Variants in COL3A1 observed in about 807,000 individuals in gnomAD.
The protein encoded by COL3A1 is collagen alpha-1(III) chain.
Under a neutral mutation model 200.9 loss-of-function variants are expected in COL3A1, and 46 were observed. The ratio of observed to expected loss-of-function variants is 0.23; its 90% CI spans 0.18 to 0.29. The LOEUF (loss-of-function observed/expected upper bound fraction) is 0.29. COL3A1 is among the 10% of genes least tolerant of loss of function. The probability of loss-of-function intolerance (pLI) is 1.00; values close to 1 mark genes in which losing one functional copy is unlikely to be tolerated. For synonymous variants in COL3A1, 650 were observed against 628.0 expected (o/e 1.03, Z -0.52); for missense variants, 1,367 against 1,917.6 (o/e 0.71, Z 5.36).
chr2:189,003,639 G>T, intron 37 of COL3A1, 95 bp from the exon 38 acceptor site: 1 of 1,435,592 alleles, frequency 7.0e-7, no homozygotes. Flanking sequence ...TGACTTTCAG[G>T]TACAATGCAG....
Position 188,994,947 on chromosome 2 carries a change from T to G in COL3A1, c.1456-99T>G. ...AGTTGAGTGTTCAGTGAAAATATTG[T>G]TTAAAGCATTCTATGACATAAAAAT... is the stretch of plus-strand genomic sequence containing the variant. On this transcript the variant is annotated intron_variant, in intron 20 of 50. Coordinates refer to ENST00000304636, the MANE Select transcript of COL3A1 (RefSeq NM_000090.4). The surrounding 1 kb of genome is among the most constrained non-coding windows in gnomAD (Gnocchi z 4.5). 1 of 1,551,820 alleles carries G rather than the reference T, an allele frequency of 6.4e-7. No individual in the cohort carries two copies. Among genetic ancestry groups the G allele is most frequent in the Non-Finnish European group, 8.9e-7 (1 of 1,123,834 alleles).
intron 44 of COL3A1, 41 bp downstream of exon 44, chr2:189,007,031 T>A: frequency 6.4e-7 from 1 of 1,559,038 alleles, no homozygotes; most frequent in Non-Finnish European, 8.8e-7. Flanking sequence ...GTTTTGTTCT[T>A]TTTTTAACTC....
At position 189,009,253 on chromosome 2, in the gene COL3A1, A is replaced by G. The variant is rs556241231; in HGVS notation, c.3823+32A>G. The G allele has an allele frequency of 3.7e-6, 6 of 1,612,974 alleles. No homozygotes were observed. In the East Asian group the frequency reaches 6.7e-5, roughly 18 times the overall value. On this transcript the variant is annotated intron_variant, in intron 48 of 50. Transcript: ENST00000304636. Reference sequence around the variant, plus strand: ...TTGGTAGTCTTTCATCTTCATGGCAATAGGATTACAGAGAAAGCTGCTTAG... The same window carrying G: ...TTGGTAGTCTTTCATCTTCATGGCAGTAGGATTACAGAGAAAGCTGCTTAG...
At chr2:188,989,908 A>C (rs1163488323) in intron 8 of COL3A1, among the ~76,000 whole-genome samples, 188 bp from the exon 9 acceptor site, 2 of 152,120 alleles carry the variant, frequency 1.3e-5, no homozygotes, top group Non-Finnish European at 2.9e-5. Flanking sequence ...TCTCTTTATA[A>C]GCTTATATCA....
chr2:188,993,770 A>G (rs1688237244), intron 16 of COL3A1, among the ~76,000 whole-genome samples: 1 of 152,228 alleles, frequency 6.6e-6, no homozygotes, highest in African/African-American at 2.4e-5. Context: ...ATCACCAATC[A>G]TAAAAATTCA....
At chr2:188,993,909 T>C in intron 16 of COL3A1, 129 bp from the exon 17 acceptor site, 1 of 828,536 alleles carries the variant, frequency 1.2e-6, no homozygotes, top group Non-Finnish European at 2.0e-6. Context: ...TGTGTTATAG[T>C]TGGAGGATTC....
At chr2:189,011,596 C>T in intron 50 of COL3A1, 32 bp from the exon 51 acceptor site, 1 of 1,613,488 alleles carries the variant, frequency 6.2e-7, no homozygotes, top group Non-Finnish European at 8.5e-7. Flanking sequence ...ATTGTAATGT[C>T]ATGATCATGT....
rs1688728310 is a variant in COL3A1 at position 189,011,628 on chromosome 2, A to G, written c.4255A>G (p.Lys1419Glu). The change falls in exon 51 of 51, where the codon AAA (lysine) becomes GAA (glutamate). Residue 1419 changes from lysine to glutamate, a missense_variant and splice_region_variant. This residue lies in a region of COL3A1 where 846 missense variants were observed against 1,147.9 expected (regional missense o/e 0.74). Transcript: ENST00000304636. Reference protein sequence around the residue: ...TYTVLEDGCTKHTGEWSKTVF... With the variant: ...TYTVLEDGCTEHTGEWSKTVF... ...ATGTACATTTTGTCCTTTTTTACAG[A>G]AACACACTGGGGAATGGAGCAAAAC... The G allele has an allele frequency of 3.1e-6, 5 of 1,613,996 alleles. No individual in the cohort carries two copies. The highest frequency in any genetic ancestry group is 3.4e-6 in the Non-Finnish European group (4 of 1,179,862).
At position 188,992,243 on chromosome 2, in the gene COL3A1, A is replaced by G; in HGVS notation, c.996+15A>G. The G allele has an allele frequency of 1.9e-6, 3 of 1,612,834 alleles. No individual in the cohort carries two copies. The highest frequency in any genetic ancestry group is 1.3e-5 in the African/African-American group (1 of 74,984). ...ATGGTCAACCAGTAAGTAACTTTCT[A>G]TCTCTTATGTGTTGTAGGGTAATGA... On this transcript the variant is annotated intron_variant, in intron 14 of 50. Coordinates refer to ENST00000304636, the MANE Select transcript of COL3A1 (RefSeq NM_000090.4).
In COL3A1 at chr2:189,003,445, G is replaced by T. The variant is rs755762264; in HGVS notation, c.2588G>T (p.Arg863Leu). 1 of 1,613,816 alleles carries T rather than the reference G, an allele frequency of 6.2e-7. No individual in the cohort carries two copies. Among genetic ancestry groups the T allele is most frequent in the Admixed American group, 1.7e-5 (1 of 60,012 alleles). ...GGTCCCCAAGGTGTCAAAGGTGAAC[G>T]TGGCAGTCCTGGTGGACCTGTAAGT... is the stretch of plus-strand genomic sequence containing the variant. The part of the protein sequence containing the change: ...PPGPQGVKGE[R>L]GSPGGPGAAG... Residue 863 changes from arginine to leucine, a missense_variant, in exon 37 of 51, where the codon CGT (arginine) becomes CTT (leucine). By Grantham distance (102) the Arg-to-Leu change is moderately radical (BLOSUM62 -2). Around this residue, in one of 5 missense-constraint regions of COL3A1, gnomAD observed 846 missense variants for 1,147.9 expected, o/e 0.74. Coordinates refer to ENST00000304636, the MANE Select transcript of COL3A1 (RefSeq NM_000090.4).
rs1216616049 is a variant in COL3A1 at position 189,003,539 on chromosome 2, C to T, written c.2607+75C>T. ...ACCTGTATAAAAGCTGCATTTGAGA[C>T]ACTAGTTCCATAAAGAGAATGTAAA... On this transcript the variant is annotated intron_variant, in intron 37 of 50. Transcript: ENST00000304636. The T allele has an allele frequency of 3.5e-6, 5 of 1,437,750 alleles. No homozygotes were observed. The African/African-American group carries it at 7.0e-5, about 20-fold the overall frequency. 89.1% of individuals were successfully genotyped at this position (1,437,750 alleles called of 1,614,324 possible). A position where few individuals can be genotyped will look rare whatever the true frequency, so the allele number is the denominator to read the frequency against.
intron 39 of COL3A1, 51 bp from the exon 40 acceptor site, chr2:189,004,206 A>G (rs754921822): frequency 6.9e-5 from 111 of 1,606,944 alleles, no homozygotes; most frequent in Non-Finnish European, 9.4e-5. Flanking sequence ...AATCGATTAG[A>G]GAAAAACACT....
chr2:189,008,111 C>A lies in COL3A1; in HGVS notation c.3494C>A (p.Pro1165His). The A allele has an allele frequency of 6.2e-7, 1 of 1,613,722 alleles. No individual in the cohort carries two copies. The highest frequency in any genetic ancestry group is 8.5e-7 in the Non-Finnish European group (1 of 1,179,824). Residue 1165 changes from proline to histidine, a missense_variant, in exon 47 of 51, where the codon CCT becomes CAT. This residue lies in a region of COL3A1 where 846 missense variants were observed against 1,147.9 expected (regional missense o/e 0.74). Transcript: ENST00000304636. ...CCAGGTCCCATTGGACCACCAGGGC[C>A]TCGAGGTAACAGAGGTGAAAGAGGA... ...GHPGPIGPPGPRGNRGERGSE... is the reference protein window; with the variant it reads ...GHPGPIGPPGHRGNRGERGSE...
At position 188,993,930 on chromosome 2, in the gene COL3A1, T is replaced by C. The variant is rs1688240690; in HGVS notation, c.1150-108T>C. On this transcript the variant is annotated intron_variant, in intron 16 of 50. Coordinates refer to ENST00000304636, the MANE Select transcript of COL3A1 (RefSeq NM_000090.4). ...ATAGTTGGAGGATTCACTTAATCTC[T>C]ACAAAGCATAACACTCATCGATACA... 10 of 1,046,852 alleles carry C rather than the reference T, an allele frequency of 9.6e-6. No homozygotes were observed. The East Asian group carries it at 2.3e-4, about 24-fold the overall frequency. The allele number at this position is 1,046,852 out of a possible 1,614,324, so 64.8% of individuals were successfully genotyped here. A position where few individuals can be genotyped will look rare whatever the true frequency, so the allele number is the denominator to read the frequency against.
intron 1 of COL3A1, among the ~76,000 whole-genome samples, chr2:188,982,738 A>G (rs1435660953): frequency 6.6e-6 from 1 of 151,832 alleles, no homozygotes; most frequent in African/African-American, 2.4e-5. Context: ...GGCTGAAACT[A>G]ATCTGTAGGA....
intron 47 of COL3A1, chr2:189,008,660 A>G: frequency 1.8e-6 from 1 of 545,312 alleles, no homozygotes; most frequent in Non-Finnish European, 3.3e-6. Flanking sequence ...TCAGTCATCC[A>G]GAAGGAAGAA....
In COL3A1 at chr2:189,001,382, T is replaced by A. The variant is rs992793284; in HGVS notation, c.2284-15T>A. 6 of 1,611,890 alleles carry A rather than the reference T, an allele frequency of 3.7e-6. No homozygotes were observed. The African/African-American group carries it at 8.0e-5, about 22-fold the overall frequency. On this transcript the variant is annotated splice_polypyrimidine_tract_variant and intron_variant, in intron 32 of 50. Transcript: ENST00000304636. Reference sequence around the variant, plus strand: ...TTGTATCTTCAAAATTAAAAAATATTTTTATTTCCTCTAGGGTCCTACTGG... The same window carrying A: ...TTGTATCTTCAAAATTAAAAAATATATTTATTTCCTCTAGGGTCCTACTGG...
intron 7 of COL3A1, among the ~76,000 whole-genome samples, 193 bp downstream of exon 7, chr2:188,988,836 A>G (rs1407873162): frequency 6.6e-6 from 1 of 151,996 alleles, no homozygotes; most frequent in African/African-American, 2.4e-5. Context: ...ACTAGTTAAT[A>G]AAGGAATTCC....
intron 1 of COL3A1, among the ~76,000 whole-genome samples, chr2:188,979,649 T>G (rs1465051149): frequency 6.6e-6 from 1 of 151,758 alleles, no homozygotes; most frequent in Non-Finnish European, 1.5e-5. Context: ...TGAGGCCAGA[T>G]AGAAAAATAT....
Sources: allele counts gnomAD v4.1 joint callset (sites outside exome capture counted in the v4.1 genomes callset), GRCh38; gene constraint gnomAD v4.1.1; regional missense constraint gnomAD v4.1.1; non-coding constraint Gnocchi (gnomAD v3.1); transcripts MANE v1.5; gene names NCBI Gene and HGNC (gene_info 2026-07-23, HGNC 2026-07-21).